The following KIF1A variants were observed in gnomAD, a reference collection of about 807,000 sequenced individuals.
The protein encoded by KIF1A is kinesin-like protein KIF1A.
Under a neutral mutation model 227.3 loss-of-function variants are expected in KIF1A, and 46 were observed. The ratio of observed to expected loss-of-function variants is 0.20; its 90% CI spans 0.16 to 0.26. KIF1A has a LOEUF of 0.26. Among genes scored for constraint, KIF1A ranks in the 10% least tolerant of loss-of-function variants. KIF1A has a pLI of 1.00. For missense variants in KIF1A, 1,683 were observed against 2,485.9 expected (o/e 0.68, Z 6.87); for synonymous variants, 1,022 against 1,012.8 (o/e 1.01, Z -0.17).
intron 40 of KIF1A, chr2:240,724,984 C>T (rs913427117): frequency 6.4e-6 from 2 of 314,622 alleles, no homozygotes; most frequent in African/African-American, 2.3e-5. Flanking sequence ...CCACAGGAGG[C>T]CCCAGGTGGG....
At chr2:240,785,208 C>A (rs2054578652) in intron 6 of KIF1A, 108 bp from the exon 7 acceptor site, 4 of 915,388 alleles carry the variant, frequency 4.4e-6, no homozygotes, top group Non-Finnish European at 6.8e-6. Flanking sequence ...GCAGTTCCCC[C>A]AGACCCCAGG....
rs2125628236 is a variant in KIF1A at position 240,726,171 on chromosome 2, G to A, written c.4122+655C>T. On this transcript the variant is annotated intron_variant, in intron 39 of 48. Transcript: ENST00000498729. The surrounding 1 kb of genome is among the most constrained non-coding windows in gnomAD (Gnocchi z 5.2). Reference sequence around the variant, plus strand: ...GTCTGGCCACGGCCTATGTACTGCAGACTCTGGGGGTGCTGTGGGGATGGA... The same window carrying A: ...GTCTGGCCACGGCCTATGTACTGCAAACTCTGGGGGTGCTGTGGGGATGGA... Among the ~76,000 whole-genome samples, 1 of 152,352 alleles carries A rather than the reference G, an allele frequency of 6.6e-6. No homozygotes were observed. Among genetic ancestry groups the A allele is most frequent in the Middle Eastern group, 3.4e-3 (1 of 294 alleles).
intron 6 of KIF1A, 48 bp from the exon 7 acceptor site, chr2:240,785,148 G>A (rs1164624443): frequency 6.7e-7 from 1 of 1,485,774 alleles, no homozygotes; most frequent in East Asian, 2.3e-5. Context: ...CTGTGGCCGG[G>A]TGCGAGATCG....
At chr2:240,762,952 G>C in intron 22 of KIF1A, 67 bp downstream of exon 22, 1 of 1,372,558 alleles carries the variant, frequency 7.3e-7, no homozygotes, top group Non-Finnish European at 9.8e-7. Flanking sequence ...GAGTGGGGGC[G>C]TGGGAGGACA....
At chr2:240,720,869 A>AGCCGT in intron 45 of KIF1A, 45 bp downstream of exon 45, 1 of 1,510,816 alleles carries the variant, frequency 6.6e-7, no homozygotes, top group Non-Finnish European at 8.9e-7. Flanking sequence ...GTCATGGGTC[A>AGCCGT]GCCGTGGTGC....
intron 5 of KIF1A, among the ~76,000 whole-genome samples, chr2:240,786,782 C>A: frequency 7.1e-6 from 1 of 140,874 alleles, no homozygotes. Context: ...ATCAGGACCC[C>A]TGAGTGAGGG....
chr2:240,777,357 T>C (rs1003920699), intron 10 of KIF1A, among the ~76,000 whole-genome samples: 3 of 152,306 alleles, frequency 2.0e-5, no homozygotes, highest in South Asian at 2.1e-4. Flanking sequence ...AGTTTGGTTT[T>C]TGATTATTTA....
intron 33 of KIF1A, among the ~76,000 whole-genome samples, chr2:240,743,400 GTGC>G (rs1230756424): frequency 6.6e-6 from 1 of 152,238 alleles, no homozygotes; most frequent in Non-Finnish European, 1.5e-5. Flanking sequence ...TGCACTCGAG[GTGC>G]CCAGGAGGGG....
In KIF1A at chr2:240,750,503, A is replaced by C; in HGVS notation, c.2903T>G (p.Val968Gly). ...CTCGCTGACGATTGCCACACGGTGT[A>C]CCAGGGGAACGGGGTACAGCAGGTT... ...LSNLLYPVPL[V>G]HRVAIVSEKG... Residue 968 changes from valine to glycine, a missense_variant, in exon 28 of 49, where the codon GTA becomes GGA. By Grantham distance (109) the Val-to-Gly change is moderately radical. Coordinates refer to ENST00000498729, the MANE Select transcript of KIF1A (RefSeq NM_001244008.2). The C allele has an allele frequency of 6.2e-7, 1 of 1,613,874 alleles. No homozygotes were observed. Among genetic ancestry groups the C allele is most frequent in the Non-Finnish European group, 8.5e-7 (1 of 1,179,820 alleles).
At chr2:240,721,405 A>G (rs927130720) in intron 44 of KIF1A, among the ~76,000 whole-genome samples, 1 of 152,248 alleles carries the variant, frequency 6.6e-6, no homozygotes, top group East Asian at 1.9e-4. Context: ...AGCTCCACGC[A>G]TAATGCAGCA....
At chr2:240,737,573 G>A (rs1427990074) in intron 37 of KIF1A, 1 of 156,436 alleles carries the variant, frequency 6.4e-6, no homozygotes, top group Admixed American at 6.3e-5. Context: ...GAGGGAGGGA[G>A]GAAGGGAGGG....
At chr2:240,815,225 C>A (rs2058230425) in intron 1 of KIF1A, among the ~76,000 whole-genome samples, 1 of 152,164 alleles carries the variant, frequency 6.6e-6, no homozygotes, top group African/African-American at 2.4e-5. Context: ...GACCCATGAC[C>A]TTGAGCATTG....
At chr2:240,769,593 C>A in intron 16 of KIF1A, 34 bp downstream of exon 16, 1 of 1,584,434 alleles carries the variant, frequency 6.3e-7, no homozygotes, top group Non-Finnish European at 8.6e-7. Context: ...TGGCTGCACC[C>A]CTCCCCCTGG....
At chr2:240,719,273 C>T (rs2044969202) in intron 46 of KIF1A, 75 bp from the exon 47 acceptor site, 5 of 1,499,602 alleles carry the variant, frequency 3.3e-6, no homozygotes, top group Non-Finnish European at 3.6e-6. Context: ...CCATCTACCA[C>T]CCAGAGCTGG....
At position 240,725,878 on chromosome 2, in the gene KIF1A, T is replaced by G. The variant is rs2045949060; in HGVS notation, c.4123-474A>C. 1 of 158,646 alleles carries G rather than the reference T, an allele frequency of 6.3e-6. No homozygotes were observed. Among genetic ancestry groups the G allele is most frequent in the African/African-American group, 2.4e-5 (1 of 41,526 alleles). The allele number at this position is 158,646 out of a possible 1,614,324, so 9.8% of individuals were successfully genotyped here. A position where few individuals can be genotyped will look rare whatever the true frequency, so the allele number is the denominator to read the frequency against. On this transcript the variant is annotated intron_variant, in intron 39 of 48. Coordinates refer to ENST00000498729, the MANE Select transcript of KIF1A (RefSeq NM_001244008.2). The surrounding 1 kb of genome is among the most constrained non-coding windows in gnomAD (Gnocchi z 5.8). ...TTTGTCTTCCTGAAGTGGGGGCAGCTGCTGTGCATGGCTGAAGAGTCCCAA... is the reference window on the plus strand; with the variant it reads ...TTTGTCTTCCTGAAGTGGGGGCAGCGGCTGTGCATGGCTGAAGAGTCCCAA...
rs752874992 is a variant in KIF1A, at chr2:240,717,033, T to A, written c.*331A>T. The A allele has an allele frequency of 3.1e-6, 1 of 327,712 alleles. No homozygotes were observed. The highest frequency in any genetic ancestry group is 5.6e-6 in the Non-Finnish European group (1 of 179,490). 20.3% of individuals were successfully genotyped at this position (327,712 alleles called of 1,614,324 possible). ...AGTTGACTGTTTCAATGTCACTAAC[T>A]AACGTATATTAATTATAAGTCTGTC... On this transcript the variant is annotated 3_prime_UTR_variant, in exon 49 of 49. Transcript: ENST00000498729.
chr2:240,783,310 GC>G (rs2054310673), intron 8 of KIF1A, among the ~76,000 whole-genome samples: 1 of 152,166 alleles, frequency 6.6e-6, no homozygotes, highest in African/African-American at 2.4e-5. Context: ...CCCCAGTGTT[GC>G]CCTCAGCCCC....
intron 1 of KIF1A, among the ~76,000 whole-genome samples, chr2:240,800,398 C>T (rs1309121477): frequency 1.3e-5 from 2 of 152,100 alleles, no homozygotes; most frequent in South Asian, 4.2e-4. Context: ...AGGCCCGATA[C>T]CACGCCGCAC....
At chr2:240,816,287 AGTGTCTGT>A (rs1402877293) in intron 1 of KIF1A, among the ~76,000 whole-genome samples, 1 of 150,838 alleles carries the variant, frequency 6.6e-6, no homozygotes, top group African/African-American at 2.5e-5. Flanking sequence ...TGTGTGTATG[AGTGTCTGT>A]GTGTGTGAAT....
Sources: gnomAD v4.1 joint callset for allele counts (sites outside exome capture counted in the v4.1 genomes callset) on GRCh38, gnomAD v4.1.1 for gene constraint, Gnocchi (gnomAD v3.1) non-coding constraint, MANE v1.5 for transcripts, NCBI Gene and HGNC (gene_info 2026-07-23, HGNC 2026-07-21) for gene names.